The following MYH14 variants were observed in gnomAD, a reference collection of about 807,000 sequenced individuals.
The protein encoded by MYH14 is myosin heavy chain 14, also known as myosin-14.
A neutral mutation model predicts 255.5 loss-of-function variants in MYH14; 123 were observed. The observed-to-expected ratio is 0.48, with a 90% confidence interval of 0.42 to 0.56. The LOEUF (loss-of-function observed/expected upper bound fraction) is 0.56. Among genes scored for constraint, MYH14 ranks in the 20% least tolerant of loss-of-function variants. The pLI is 0.00. For synonymous variants in MYH14, 1,095 were observed against 1,161.2 expected, an observed-to-expected ratio of 0.94 and a Z score of 1.16; for missense variants, 2,423 against 2,802.3, an observed-to-expected ratio of 0.86 and a Z score of 3.06.
chr19:50,294,268 A>G (rs929322977), intron 39 of MYH14, among the ~76,000 whole-genome samples: 1 of 152,034 alleles, frequency 6.6e-6, no homozygotes, highest in Non-Finnish European at 1.5e-5. Flanking sequence ...CCTAGAAGGG[A>G]CTACCAACCT....
intron 26 of MYH14, 27 bp downstream of exon 26, chr19:50,271,999 T>C (rs1219998744): frequency 6.2e-7 from 1 of 1,600,970 alleles, no homozygotes; most frequent in Non-Finnish European, 8.5e-7. Flanking sequence ...CCAGTAGGGG[T>C]CTGTGTGTGC....
At position 50,276,038 on chromosome 19, in the gene MYH14, G is replaced by C. The variant is rs377517917; in HGVS notation, c.3515G>C (p.Arg1172Pro). The change falls in exon 28 of 43, where the codon CGG becomes CCG. Residue 1172 changes from arginine to proline, a missense_variant. Physicochemically the swap from Arg to Pro is moderately radical, Grantham distance 103. This residue lies in a region of MYH14 where 1,513 missense variants were observed against 1,674.8 expected (regional missense o/e 0.90). Coordinates refer to ENST00000642316, the MANE Select transcript of MYH14 (RefSeq NM_001145809.2). This position sits in a 1 kb window ranked among gnomAD's most constrained non-coding sequence, Gnocchi z 4.3. ...GARAQLLKSL[R>P]EAQAALAEAQ... is the part of the protein sequence containing the mutation. ...CGGGCCCAGCTGCTGAAATCCCTGCGGGAGGCTCAAGCAGCCCTGGCCGAG... is the reference window on the plus strand; with the variant it reads ...CGGGCCCAGCTGCTGAAATCCCTGCCGGAGGCTCAAGCAGCCCTGGCCGAG... 9 of 1,612,692 alleles carry C rather than the reference G, an allele frequency of 5.6e-6. No homozygotes were observed. The highest frequency in any genetic ancestry group is 1.3e-5 in the African/African-American group (1 of 74,918).
chr19:50,209,840 A>C (rs1315294631), intron 1 of MYH14, among the ~76,000 whole-genome samples: 1 of 144,942 alleles, frequency 6.9e-6, no homozygotes, highest in Non-Finnish European at 1.5e-5. Flanking sequence ...GCTCATGCCT[A>C]TAATCCCAGC....
chr19:50,247,572 A>G (rs1280490301), intron 12 of MYH14, among the ~76,000 whole-genome samples: 2 of 152,118 alleles, frequency 1.3e-5, no homozygotes, highest in South Asian at 2.1e-4. Flanking sequence ...TATCCTAGAA[A>G]AACAAAAAAC....
chr19:50,301,319 G>A (rs1266781402), intron 39 of MYH14, among the ~76,000 whole-genome samples: 1 of 152,138 alleles, frequency 6.6e-6, no homozygotes, highest in East Asian at 1.9e-4. Context: ...GATGATCCTG[G>A]TGCAAACAAA....
chr19:50,205,241 C>T (rs964507519), intron 1 of MYH14, among the ~76,000 whole-genome samples: 5 of 152,218 alleles, frequency 3.3e-5, no homozygotes, highest in Non-Finnish European at 7.3e-5. Flanking sequence ...TCCCGGGAAT[C>T]CTCAGCCTTC....
At chr19:50,244,365 A>C (rs1600924934) in intron 11 of MYH14, 28 bp downstream of exon 11, 1 of 1,596,622 alleles carries the variant, frequency 6.3e-7, no homozygotes. Flanking sequence ...CCTGCCCACG[A>C]CCTCCAGCCC....
intron 39 of MYH14, among the ~76,000 whole-genome samples, chr19:50,295,181 C>G (rs942486404): frequency 1.3e-5 from 2 of 151,526 alleles, no homozygotes; most frequent in African/African-American, 4.9e-5. Flanking sequence ...AAAAATTAGC[C>G]GGGCATGGTG....
In MYH14 at chr19:50,293,833, G is replaced by A. The variant is rs563545662; in HGVS notation, c.5469+146G>A. ...TAGGAGTTCTTAAAAGGGTTGAAAG[G>A]CATGATTCACTTGTATTTCTGAGGG... On this transcript the variant is annotated intron_variant, in intron 39 of 42. Transcript: ENST00000642316. This position sits in a 1 kb window ranked among gnomAD's most constrained non-coding sequence, Gnocchi z 4.1. 3.6e-6 allele frequency: 3 copies of A among 838,364 alleles called. No individual in the cohort carries two copies. In the South Asian group the frequency reaches 6.9e-5, roughly 19 times the overall value. 51.9% of individuals were successfully genotyped at this position (838,364 alleles called of 1,614,324 possible). A position where few individuals can be genotyped will look rare whatever the true frequency, so the allele number is the denominator to read the frequency against.
intron 39 of MYH14, among the ~76,000 whole-genome samples, chr19:50,299,478 G>A (rs1044183522): frequency 4.0e-5 from 6 of 148,400 alleles, no homozygotes; most frequent in Non-Finnish European, 5.9e-5. Flanking sequence ...GGCTGAGGCC[G>A]GAGAATCACT....
Position 50,235,403 on chromosome 19 carries a change from C to CG in MYH14, c.1114+3333_1114+3334insG, listed in dbSNP as rs894840947. On this transcript the variant is annotated intron_variant, in intron 10 of 42. Coordinates refer to ENST00000642316, the MANE Select transcript of MYH14 (RefSeq NM_001145809.2). ...GATGTTGGTTGCTCCAGCTGGCCCC[C>CG]CAGCTCCCTACCCTTCCACTAGAGA... is the stretch of plus-strand genomic sequence containing the variant. Among the ~76,000 whole-genome samples, 5 of 151,414 alleles carry CG rather than the reference C, an allele frequency of 3.3e-5. No homozygotes were observed. In the East Asian group the frequency reaches 7.8e-4, roughly 23 times the overall value.
chr19:50,250,671 C>A lies in MYH14; in HGVS notation c.1813C>A (p.Leu605Ile), dbSNP rs1442021087. Residue 605 changes from leucine to isoleucine, a missense_variant, in exon 15 of 43, where the codon CTC becomes ATC. By Grantham distance (5) the Leu-to-Ile change is conservative. Around this residue, in one of 3 missense-constraint regions of MYH14, gnomAD observed 672 missense variants for 881.8 expected, o/e 0.76. Coordinates refer to ENST00000642316, the MANE Select transcript of MYH14 (RefSeq NM_001145809.2). This position sits in a 1 kb window ranked among gnomAD's most constrained non-coding sequence, Gnocchi z 5.4. Reference sequence around the variant, plus strand: ...GCGGGATCAGGCCGACTTCAGTGTTCTCCACTACGCGGGCAAGGTAGGGGC... The same window carrying A: ...GCGGGATCAGGCCGACTTCAGTGTTATCCACTACGCGGGCAAGGTAGGGGC... ...HLRDQADFSV[L>I]HYAGKVDYKA... 1.2e-6 allele frequency: 2 copies of A among 1,612,556 alleles called. No homozygotes were observed. The highest frequency in any genetic ancestry group is 2.7e-5 in the African/African-American group (2 of 74,916).
chr19:50,239,891 A>T (rs113635141), intron 10 of MYH14, among the ~76,000 whole-genome samples: 6 of 152,168 alleles, frequency 3.9e-5, no homozygotes, highest in African/African-American at 1.4e-4. Flanking sequence ...GAAGTACAGT[A>T]TACACACCAA....
chr19:50,225,559 C>T, intron 6 of MYH14, 26 bp from the exon 7 acceptor site: 1 of 1,599,766 alleles, frequency 6.3e-7, no homozygotes, highest in African/African-American at 1.3e-5. Flanking sequence ...TCACTGACCT[C>T]ATGCATCATC....
intron 35 of MYH14, 61 bp downstream of exon 35, chr19:50,289,709 A>G: frequency 1.3e-6 from 2 of 1,485,028 alleles, no homozygotes; most frequent in Non-Finnish European, 1.8e-6. Flanking sequence ...TGGTGTGTAC[A>G]GGCAGCAAGA....
chr19:50,299,103 CAAAA>C (rs1203291727), intron 39 of MYH14, among the ~76,000 whole-genome samples: 5 of 151,398 alleles, frequency 3.3e-5, no homozygotes, highest in African/African-American at 1.2e-4. Flanking sequence ...AAACAAAAAA[CAAAA>C]AAGAAAGAAA....
At chr19:50,226,796 G>A (rs2033128457) in intron 7 of MYH14, 107 bp from the exon 8 acceptor site, 2 of 1,026,416 alleles carry the variant, frequency 1.9e-6, no homozygotes, top group East Asian at 2.5e-5. Flanking sequence ...GAAGTGGGGG[G>A]GCAGCCGCAG....
intron 3 of MYH14, among the ~76,000 whole-genome samples, chr19:50,222,567 G>C (rs559565389): frequency 1.1e-4 from 16 of 151,798 alleles, no homozygotes; most frequent in African/African-American, 3.6e-4. Context: ...TTGATTGTAG[G>C]TTTCTGTCCC....
chr19:50,293,668 A>G lies in MYH14; in HGVS notation c.5450A>G (p.Tyr1817Cys). 1 of 1,589,072 alleles carries G rather than the reference A, an allele frequency of 6.3e-7. No individual in the cohort carries two copies. Among genetic ancestry groups the G allele is most frequent in the South Asian group, 1.1e-5 (1 of 87,342 alleles). ...AACTCGGAGCTGCTCAATGACCGCTACCGCAAGCTGCTCCTGCAGGTGAGC... is the reference window on the plus strand; with the variant it reads ...AACTCGGAGCTGCTCAATGACCGCTGCCGCAAGCTGCTCCTGCAGGTGAGC... ...QSNSELLNDR[Y>C]RKLLLQVESL... The change falls in exon 39 of 43, where the codon TAC (tyrosine) becomes TGC (cysteine). Residue 1817 changes from tyrosine (Y) to cysteine (C), a missense_variant. Tyr to Cys is a radical substitution (Grantham distance 194, BLOSUM62 -2). Around this residue, in one of 3 missense-constraint regions of MYH14, gnomAD observed 1,513 missense variants for 1,674.8 expected, o/e 0.90. Coordinates refer to ENST00000642316, the MANE Select transcript of MYH14 (RefSeq NM_001145809.2). This position sits in a 1 kb window ranked among gnomAD's most constrained non-coding sequence, Gnocchi z 4.1.
Sources: allele counts gnomAD v4.1 joint callset (sites outside exome capture counted in the v4.1 genomes callset), GRCh38; gene constraint gnomAD v4.1.1; regional missense constraint gnomAD v4.1.1; non-coding constraint Gnocchi (gnomAD v3.1); transcripts MANE v1.5; gene names NCBI Gene and HGNC (gene_info 2026-07-23, HGNC 2026-07-21).